RABGAP1L: variants seen among roughly 807,000 people sequenced by gnomAD.
RABGAP1L encodes RAB GTPase activating protein 1 like, also known as rab GTPase-activating protein 1-like.
RABGAP1L carries 63 observed loss-of-function variants against 137.7 expected under a neutral mutation model. That is an observed-to-expected ratio of 0.46 (90% CI 0.37 to 0.56). RABGAP1L has a LOEUF of 0.56. Among genes scored for constraint, RABGAP1L ranks in the 20% least tolerant of loss-of-function variants. The pLI is 0.00. For synonymous variants in RABGAP1L, 431 were observed against 433.7 expected, an observed-to-expected ratio of 0.99 and a Z score of 0.08; for missense variants, 1,095 against 1,244.0, an observed-to-expected ratio of 0.88 and a Z score of 1.80.
chr1:174,499,653 A>G (rs1038041373), intron 13 of RABGAP1L, among the ~76,000 whole-genome samples: 2 of 152,178 alleles, frequency 1.3e-5, no homozygotes, highest in African/African-American at 2.4e-5. Context: ...AGTGATGGCA[A>G]TTATCTCAAC....
intron 17 of RABGAP1L, among the ~76,000 whole-genome samples, chr1:174,707,041 A>AGTT (rs1680099331): frequency 6.6e-6 from 1 of 152,160 alleles, no homozygotes. Flanking sequence ...CTTTTAGTTA[A>AGTT]CGTACCTATG....
chr1:174,904,668 G>A (rs531278841), intron 19 of RABGAP1L, among the ~76,000 whole-genome samples: 1 of 151,754 alleles, frequency 6.6e-6, no homozygotes, highest in Non-Finnish European at 1.5e-5. Context: ...TTTTTAGGGA[G>A]GAGGGGTGTC....
chr1:174,800,457 T>A, intron 18 of RABGAP1L: 1 of 1,550,936 alleles, frequency 6.4e-7, no homozygotes, highest in South Asian at 1.2e-5. Context: ...GTGCTGGAAC[T>A]TCTGGGGATG....
At chr1:174,758,045 T>G (rs1684905246) in intron 18 of RABGAP1L, among the ~76,000 whole-genome samples, 1 of 150,770 alleles carries the variant, frequency 6.6e-6, no homozygotes, top group South Asian at 2.1e-4. Context: ...AAAAGAGTTC[T>G]GAAGTGTATC....
At chr1:174,745,745 G>A (rs7523516) in intron 17 of RABGAP1L, among the ~76,000 whole-genome samples, 16,373 of 152,126 alleles carry the variant, frequency 0.11, 994 homozygotes, top group East Asian at 0.22. Context: ...AGTGTTTATC[G>A]AATATTTACC....
chr1:174,364,649 ATAG>A, intron 11 of RABGAP1L, among the ~76,000 whole-genome samples: 1 of 152,290 alleles, frequency 6.6e-6, no homozygotes, highest in African/African-American at 2.4e-5. Flanking sequence ...ATGGTTGCTC[ATAG>A]TAGCCACAAA....
At chr1:174,481,822 T>C (rs958416041) in intron 13 of RABGAP1L, among the ~76,000 whole-genome samples, 3 of 148,520 alleles carry the variant, frequency 2.0e-5, no homozygotes, top group African/African-American at 5.0e-5. Flanking sequence ...CATGTATACA[T>C]ATGTAACTAA....
chr1:174,457,291 C>T (rs904982131), intron 13 of RABGAP1L, among the ~76,000 whole-genome samples: 1 of 152,024 alleles, frequency 6.6e-6, no homozygotes, highest in South Asian at 2.1e-4. Flanking sequence ...GGGGAGAATA[C>T]ACAATAACTT....
chr1:174,616,410 A>G (rs1473699375), intron 13 of RABGAP1L, among the ~76,000 whole-genome samples: 1 of 152,240 alleles, frequency 6.6e-6, no homozygotes, highest in Non-Finnish European at 1.5e-5. Flanking sequence ...TGGGGAATAG[A>G]TGGTTACCCT....
intron 13 of RABGAP1L, among the ~76,000 whole-genome samples, chr1:174,493,402 A>C (rs1001852997): frequency 6.6e-6 from 1 of 151,744 alleles, no homozygotes; most frequent in East Asian, 1.9e-4. Flanking sequence ...GAAATTTACT[A>C]GTAATCTCAG....
rs1572496854 is a variant in RABGAP1L at position 174,610,314 on chromosome 1, T to C, written c.1711-27061T>C. On this transcript the variant is annotated intron_variant, in intron 13 of 25. Coordinates refer to ENST00000681986, the MANE Select transcript of RABGAP1L (RefSeq NM_001366446.1). Reference sequence around the variant, plus strand: ...AGTGAGAACATGCAGTGTTTGGTTTTTTGTCCTTGTGATAGTTTACTGAGA... The same window carrying C: ...AGTGAGAACATGCAGTGTTTGGTTTCTTGTCCTTGTGATAGTTTACTGAGA... Among the ~76,000 whole-genome samples, 6 of 151,104 alleles carry C rather than the reference T, an allele frequency of 4.0e-5. No homozygotes were observed. In the East Asian group the frequency reaches 1.2e-3, roughly 30 times the overall value.
At chr1:174,975,131 A>C (rs754740240) in intron 21 of RABGAP1L, among the ~76,000 whole-genome samples, 4 of 152,382 alleles carry the variant, frequency 2.6e-5, no homozygotes, top group African/African-American at 9.6e-5. Context: ...GGGAGCACCT[A>C]TTCTGTACTT....
intron 13 of RABGAP1L, among the ~76,000 whole-genome samples, chr1:174,520,279 A>G (rs1351111801): frequency 6.6e-6 from 1 of 152,252 alleles, no homozygotes; most frequent in Non-Finnish European, 1.5e-5. Context: ...CTAGATATTT[A>G]TGAACTAGAA....
chr1:174,617,267 C>A (rs906832367), intron 13 of RABGAP1L, among the ~76,000 whole-genome samples: 1 of 152,172 alleles, frequency 6.6e-6, no homozygotes. Context: ...ATTATGCCTA[C>A]TTCTGGAGGA....
intron 13 of RABGAP1L, among the ~76,000 whole-genome samples, chr1:174,415,715 C>T (rs1289323052): frequency 6.6e-6 from 1 of 151,918 alleles, no homozygotes. Flanking sequence ...ACCCATCTGT[C>T]TAGTTGGCAT....
intron 5 of RABGAP1L, chr1:174,245,620 A>G (rs944218847): frequency 2.7e-5 from 4 of 150,240 alleles, no homozygotes; most frequent in Non-Finnish European, 5.9e-5. Context: ...GATTTTTCAC[A>G]TTTATTTCTT....
In RABGAP1L at chr1:174,182,725, G is replaced by A. The variant is rs182213966; in HGVS notation, c.-34+23068G>A. On this transcript the variant is annotated intron_variant, in intron 1 of 25. Coordinates refer to ENST00000681986, the MANE Select transcript of RABGAP1L (RefSeq NM_001366446.1). ...TCTCTCCCCACTTGAGTGAATCTTT[G>A]TTAGCATTTAAGACTTTTACTTCCC... 2.6e-5 allele frequency among the ~76,000 whole-genome samples: 4 copies of A among 151,620 alleles called. No individual in the cohort carries two copies. In the East Asian group the frequency reaches 7.7e-4, roughly 29 times the overall value.
At position 174,679,085 on chromosome 1, in the gene RABGAP1L, A is replaced by G. The variant is rs149548891; in HGVS notation, c.1825-4437A>G. Among the ~76,000 whole-genome samples, 6 of 152,324 alleles carry G rather than the reference A, an allele frequency of 3.9e-5. No individual in the cohort carries two copies. In the East Asian group the frequency reaches 1.2e-3, roughly 29 times the overall value. ...AAAGGGGCTTTCCATTGCCTGCTCA[A>G]ATGCCTGGGTTTATATCCCGATCAT... On this transcript the variant is annotated intron_variant, in intron 14 of 25. Coordinates refer to ENST00000681986, the MANE Select transcript of RABGAP1L (RefSeq NM_001366446.1).
At chr1:174,311,243 G>A (rs1333842345) in intron 11 of RABGAP1L, among the ~76,000 whole-genome samples, 2 of 152,108 alleles carry the variant, frequency 1.3e-5, no homozygotes, top group East Asian at 1.9e-4. Flanking sequence ...TTCACAAGGC[G>A]GCAGGAGAGA....
Sources: gnomAD v4.1 joint callset for allele counts (sites outside exome capture counted in the v4.1 genomes callset) on GRCh38, gnomAD v4.1.1 for gene constraint, MANE v1.5 for transcripts, NCBI Gene and HGNC (gene_info 2026-07-23, HGNC 2026-07-21) for gene names.